Variants in USP32 observed in about 807,000 individuals in gnomAD.
The protein encoded by USP32 is ubiquitin carboxyl-terminal hydrolase 32.
In USP32, 59 loss-of-function variants were observed where a neutral mutation model predicts 204.8. That is an observed-to-expected ratio of 0.29 (90% CI 0.23 to 0.36). The LOEUF (loss-of-function observed/expected upper bound fraction) is 0.36. Ranked by LOEUF, USP32 falls within the 10% of genes least tolerant of loss-of-function variation. The pLI, the probability that USP32 is intolerant of heterozygous loss-of-function variation, is 1.00. For synonymous variants in USP32, 517 were observed against 678.4 expected, an observed-to-expected ratio of 0.76 and a Z score of 3.70; for missense variants, 1,160 against 1,946.4, an observed-to-expected ratio of 0.60 and a Z score of 7.60.
At chr17:60,415,247 T>C (rs2090051176) in intron 1 of USP32, among the ~76,000 whole-genome samples, 1 of 152,172 alleles carries the variant, frequency 6.6e-6, no homozygotes, top group Non-Finnish European at 1.5e-5. Flanking sequence ...GACACAGGAC[T>C]TCACTGTACA....
chr17:60,305,007 T>TCATA (rs1199487513), intron 2 of USP32: 2 of 152,164 alleles, frequency 1.3e-5, no homozygotes, highest in Non-Finnish European at 2.9e-5. Flanking sequence ...TTGTCCAAAG[T>TCATA]CATACATCAA....
intron 16 of USP32, among the ~76,000 whole-genome samples, 181 bp from the exon 17 acceptor site, chr17:60,214,955 TTTTGTTTG>T (rs113909630): frequency 5.9e-5 from 9 of 151,810 alleles, no homozygotes; most frequent in East Asian, 3.9e-4. Flanking sequence ...CCCAAGTTCT[TTTTGTTTG>T]TTTGTTTGTT....
At chr17:60,187,794 G>A (rs567057192) in intron 29 of USP32, among the ~76,000 whole-genome samples, 38 of 152,098 alleles carry the variant, frequency 2.5e-4, no homozygotes, top group African/African-American at 8.0e-4. Flanking sequence ...TGGGATCTAC[G>A]CTTAGATCCT....
intron 28 of USP32, among the ~76,000 whole-genome samples, chr17:60,191,400 TAAAAA>T (rs1158204624): frequency 0.21 from 12,373 of 58,000 alleles, 2,289 homozygotes; most frequent in African/African-American, 0.49. Context: ...AGACTCTGTT[TAAAAA>T]AAAAAAAAAA....
intron 13 of USP32, 25 bp downstream of exon 13, chr17:60,226,014 C>T: frequency 6.4e-7 from 1 of 1,556,238 alleles, no homozygotes; most frequent in Non-Finnish European, 8.6e-7. Flanking sequence ...AACCAATAAA[C>T]CTCAGGGGAA....
In USP32 at chr17:60,339,729, A is replaced by C. The variant is rs76177760; in HGVS notation, c.186+5752T>G. Among the ~76,000 whole-genome samples the C allele has an allele frequency of 4.0e-3, 608 of 152,302 alleles. 9 individuals are homozygous for C. The East Asian group carries it at 0.041, about 10-fold the overall frequency. Reference sequence around the variant, plus strand: ...CTAGATAAATCTCTCTTTTGCTCTAAAAATATAAAGCTACTGTTTTCAGGA... The same window carrying C: ...CTAGATAAATCTCTCTTTTGCTCTACAAATATAAAGCTACTGTTTTCAGGA... On this transcript the variant is annotated intron_variant, in intron 2 of 33. Coordinates refer to ENST00000300896, the MANE Select transcript of USP32 (RefSeq NM_032582.4).
chr17:60,347,976 G>A (rs1438094269), intron 1 of USP32, among the ~76,000 whole-genome samples: 1 of 151,876 alleles, frequency 6.6e-6, no homozygotes, highest in Middle Eastern at 3.2e-3. Flanking sequence ...CAAAAAATTA[G>A]CCAGGCCTGG....
At chr17:60,206,499 T>C (rs2145485521) in intron 25 of USP32, among the ~76,000 whole-genome samples, 1 of 147,666 alleles carries the variant, frequency 6.8e-6, no homozygotes, top group Non-Finnish European at 1.5e-5. Context: ...AAACTAAAAT[T>C]AGAACATCCA....
At chr17:60,380,715 T>C (rs1340881286) in intron 1 of USP32, among the ~76,000 whole-genome samples, 1 of 152,166 alleles carries the variant, frequency 6.6e-6, no homozygotes, top group Non-Finnish European at 1.5e-5. Flanking sequence ...CTCCTAAAAT[T>C]GCATGGAATT....
chr17:60,250,659 C>T (rs983412443), intron 11 of USP32, among the ~76,000 whole-genome samples: 1 of 152,030 alleles, frequency 6.6e-6, no homozygotes, highest in African/African-American at 2.4e-5. Flanking sequence ...ATTTAAAAAA[C>T]TACATGAAAG....
intron 5 of USP32, among the ~76,000 whole-genome samples, chr17:60,286,193 AAAG>A (rs2087106575): frequency 6.6e-6 from 1 of 152,092 alleles, no homozygotes; most frequent in Non-Finnish European, 1.5e-5. Flanking sequence ...TATCCAATGG[AAAG>A]AAGAACAGTA....
Position 60,214,728 on chromosome 17 carries a change from A to G in USP32, c.1914T>C (p.Tyr638=). The change falls in exon 17 of 34, where the codon TAT becomes TAC. Residue 638 remains tyrosine, a synonymous_variant. Transcript: ENST00000300896. ...TCTGCATTCGACTAAAACAGCCTGT[A>G]TAGGCTAATACCCGCTTTAAAGGTG... ...PNAPLKRVLA[Y]TGCFSRMQTI... 6.2e-7 allele frequency: 1 copy of G among 1,613,940 alleles called. No homozygotes were observed. The highest frequency in any genetic ancestry group is 1.1e-5 in the South Asian group (1 of 91,072).
intron 26 of USP32, among the ~76,000 whole-genome samples, chr17:60,202,163 CTA>C (rs2084693293): frequency 1.3e-5 from 2 of 152,234 alleles, no homozygotes; most frequent in Non-Finnish European, 2.9e-5. Context: ...GCTGAGAAAA[CTA>C]TCTTTCTCTC....
At chr17:60,180,463 A>T (rs2084078266) in intron 33 of USP32, 82 bp downstream of exon 33, 1 of 1,419,256 alleles carries the variant, frequency 7.0e-7, no homozygotes, top group Non-Finnish European at 9.9e-7. Context: ...TATTCAAGAG[A>T]TAGTCCATTA....
At position 60,391,981 on chromosome 17, in the gene USP32, G is replaced by GCCCCCCCCCCC; in HGVS notation, c.-43_-42insGGGGGGGGGGG. On this transcript the variant is annotated 5_prime_UTR_variant, in exon 1 of 34. Coordinates refer to ENST00000300896, the MANE Select transcript of USP32 (RefSeq NM_032582.4). ...CGGCGGGGGGTCGGAGCCTGATCTC[G>GCCCCCCCCCCC]CCCCCACCCCCCTCCCGCCTTCTCC... 2.5e-6 allele frequency: 4 copies of GCCCCCCCCCCC among 1,585,548 alleles called. No individual in the cohort carries two copies. The South Asian group carries it at 3.4e-5, about 14-fold the overall frequency.
rs183754041 is a variant in USP32, at chr17:60,403,100, C to T, written c.106+19146G>A. ...GATCTCGGCTCACTGCAACCTCCAC[C>T]TCCCGGGTTTAAATGATTCTCCTGC... On this transcript the variant is annotated intron_variant, in intron 1 of 3. Coordinates refer to the USP32 transcript ENST00000588898. Among the ~76,000 whole-genome samples, 418 of 152,114 alleles carry T rather than the reference C, an allele frequency of 2.7e-3. 6 individuals carry two copies. Among genetic ancestry groups the T allele is most frequent in the Non-Finnish European group, 2.2e-3 (152 of 68,000 alleles).
chr17:60,222,777 G>A (rs2085287527), intron 14 of USP32, among the ~76,000 whole-genome samples: 1 of 151,180 alleles, frequency 6.6e-6, no homozygotes, highest in South Asian at 2.1e-4. Context: ...CGCCTCCCGG[G>A]TTCCAGTGAT....
intron 12 of USP32, among the ~76,000 whole-genome samples, chr17:60,231,221 C>T (rs1256194951): frequency 1.3e-5 from 2 of 152,108 alleles, no homozygotes; most frequent in African/African-American, 4.8e-5. Context: ...GATGATACTA[C>T]TACTTTTTAT....
upstream of USP32, among the ~76,000 whole-genome samples, chr17:60,397,036 CTTCTTCCCATGTGGCAGCTGGACTGTACA>C (rs1280896163): frequency 1.3e-5 from 2 of 152,204 alleles, no homozygotes; most frequent in African/African-American, 2.4e-5. Flanking sequence ...GATCTCTTTA[CTTCTTCCCATGTGGCAGCTGGACTGTACA>C]TTTAGGCCAG....
Sources: gnomAD v4.1 joint callset for allele counts (sites outside exome capture counted in the v4.1 genomes callset) on GRCh38, gnomAD v4.1.1 for gene constraint, MANE v1.5 for transcripts, NCBI Gene and HGNC (gene_info 2026-07-23, HGNC 2026-07-21) for gene names.